Variants in CNTN4 observed in about 807,000 individuals in gnomAD.
The protein encoded by CNTN4 is contactin 4.
A neutral mutation model predicts 122.5 loss-of-function variants in CNTN4; 77 were observed. That is an observed-to-expected ratio of 0.63 (90% confidence interval 0.52 to 0.76). The LOEUF is 0.76. Ranked by LOEUF, CNTN4 falls within the 30% of genes least tolerant of loss-of-function variation. The probability of loss-of-function intolerance (pLI) is 0.00; values close to 1 mark genes in which losing one functional copy is unlikely to be tolerated. For missense variants in CNTN4, 1,256 were observed against 1,259.1 expected (o/e 1.00, Z 0.04); for synonymous variants, 512 against 447.0 (o/e 1.15, Z -1.83).
chr3:2,478,764 C>T (rs567121820), intron 3 of CNTN4, among the ~76,000 whole-genome samples: 1 of 152,292 alleles, frequency 6.6e-6, no homozygotes, highest in South Asian at 2.1e-4. Context: ...GACATGATCT[C>T]ATTCTTTTTT....
intron 2 of CNTN4, among the ~76,000 whole-genome samples, chr3:2,269,344 C>G (rs2041175764): frequency 6.6e-6 from 1 of 152,048 alleles, no homozygotes; most frequent in African/African-American, 2.4e-5. Context: ...CATATGTTCT[C>G]CTGGATGAAT....
chr3:2,168,259 C>A (rs987645415), intron 2 of CNTN4, among the ~76,000 whole-genome samples: 1 of 151,974 alleles, frequency 6.6e-6, no homozygotes, highest in Non-Finnish European at 1.5e-5. Flanking sequence ...TATTAAAAAT[C>A]TTATAGGTTA....
intron 2 of CNTN4, among the ~76,000 whole-genome samples, chr3:2,193,284 C>G (rs1300127886): frequency 1.3e-5 from 2 of 151,936 alleles, no homozygotes; most frequent in African/African-American, 4.8e-5. Context: ...TGATCTGGCC[C>G]TGACTTGTCC....
At chr3:2,353,855 C>T (rs1219409802) in intron 3 of CNTN4, among the ~76,000 whole-genome samples, 2 of 151,854 alleles carry the variant, frequency 1.3e-5, no homozygotes, top group Admixed American at 6.6e-5. Flanking sequence ...GCCAAGATGG[C>T]GCCACCGCAC....
At chr3:2,710,811 AT>A (rs1308004545) in intron 4 of CNTN4, among the ~76,000 whole-genome samples, 1 of 152,188 alleles carries the variant, frequency 6.6e-6, no homozygotes, top group Non-Finnish European at 1.5e-5. Context: ...GAACAGCTCT[AT>A]TTGAACCTTT....
rs150185511 is a variant in CNTN4 at position 2,834,427 on chromosome 3, G to A, written c.454+14846G>A. Among the ~76,000 whole-genome samples the A allele has an allele frequency of 6.3e-3, 955 of 152,080 alleles. 11 individuals carry two copies. The highest frequency in any genetic ancestry group is 0.021 in the African/African-American group (890 of 41,504). On this transcript the variant is annotated intron_variant, in intron 7 of 24. Transcript: ENST00000418658. ...TAAAGATTTAAAAAGTTAGCTGGGC[G>A]TGGTGGTGCATGTTTGTAATCCCAG...
intron 4 of CNTN4, among the ~76,000 whole-genome samples, chr3:2,707,099 G>A (rs2086786728): frequency 2.0e-5 from 3 of 151,650 alleles, no homozygotes; most frequent in African/African-American, 4.8e-5. Flanking sequence ...CAGGAGTTCA[G>A]GAACACTCTG....
At chr3:2,410,962 C>A (rs898551405) in intron 3 of CNTN4, among the ~76,000 whole-genome samples, 3 of 152,156 alleles carry the variant, frequency 2.0e-5, no homozygotes, top group Admixed American at 6.5e-5. Flanking sequence ...TAACTGTAGT[C>A]TCATGTGTTC....
chr3:2,854,268 CTTTTT>C (rs56147510), intron 7 of CNTN4, among the ~76,000 whole-genome samples: 2 of 90,050 alleles, frequency 2.2e-5, no homozygotes, highest in African/African-American at 4.6e-5. Context: ...CTTTCTTCTT[CTTTTT>C]TTTTTTTTTT....
chr3:2,548,959 A>G (rs1048249356), intron 3 of CNTN4, among the ~76,000 whole-genome samples: 12 of 152,112 alleles, frequency 7.9e-5, no homozygotes, highest in African/African-American at 2.4e-5. Flanking sequence ...GAGTTAACTC[A>G]TGATTTGGCT....
At chr3:2,396,426 G>A (rs2046643415) in intron 3 of CNTN4, among the ~76,000 whole-genome samples, 1 of 152,080 alleles carries the variant, frequency 6.6e-6, no homozygotes, top group African/African-American at 2.4e-5. Flanking sequence ...GAAAACAGTT[G>A]GGGGAATCTG....
At chr3:2,707,981 T>C (rs1257295746) in intron 4 of CNTN4, among the ~76,000 whole-genome samples, 2 of 152,208 alleles carry the variant, frequency 1.3e-5, no homozygotes, top group African/African-American at 4.8e-5. Flanking sequence ...ATAAGTCATT[T>C]TGATATATGG....
At chr3:2,332,893 A>T (rs192440212) in intron 2 of CNTN4, among the ~76,000 whole-genome samples, 21 of 130,314 alleles carry the variant, frequency 1.6e-4, no homozygotes, top group South Asian at 4.3e-4. Context: ...AAATAAAATT[A>T]AAAAAAAATA....
At chr3:2,255,437 A>C (rs2040542939) in intron 2 of CNTN4, among the ~76,000 whole-genome samples, 1 of 152,204 alleles carries the variant, frequency 6.6e-6, no homozygotes, top group South Asian at 2.1e-4. Flanking sequence ...ATGTGGATCT[A>C]ATAGACATCC....
chr3:3,042,064 G>C (rs1200382665), intron 20 of CNTN4, among the ~76,000 whole-genome samples: 3 of 152,186 alleles, frequency 2.0e-5, no homozygotes, highest in Non-Finnish European at 4.4e-5. Flanking sequence ...ATGAAAACTT[G>C]GTGCTTAAAC....
At chr3:2,522,911 A>T (rs570851569) in intron 3 of CNTN4, among the ~76,000 whole-genome samples, 5 of 152,182 alleles carry the variant, frequency 3.3e-5, no homozygotes, top group African/African-American at 1.2e-4. Flanking sequence ...AAAGTACTAG[A>T]TTGATAGCTC....
rs184157371 is a variant in CNTN4, at chr3:2,840,454, A to T, written c.454+20873A>T. The stretch of plus-strand genomic sequence containing the variant: ...GGTGGCTCACGCCTGTCATCCCAGC[A>T]CTTTGGGAGGCCGAGGCGGGCGGAT... On this transcript the variant is annotated intron_variant, in intron 7 of 24. Coordinates refer to ENST00000418658, the MANE Select transcript of CNTN4 (RefSeq NM_175607.3). Among the ~76,000 whole-genome samples, 577 of 150,738 alleles carry T rather than the reference A, an allele frequency of 3.8e-3. 5 individuals carry two copies. Among genetic ancestry groups the T allele is most frequent in the African/African-American group, 0.013 (538 of 41,156 alleles).
chr3:2,386,099 T>C (rs978784039), intron 3 of CNTN4, among the ~76,000 whole-genome samples: 1 of 152,078 alleles, frequency 6.6e-6, no homozygotes, highest in Non-Finnish European at 1.5e-5. Flanking sequence ...TTGGTTAGAT[T>C]AGGAATTCCT....
chr3:2,185,753 G>C (rs1458339369), intron 2 of CNTN4, among the ~76,000 whole-genome samples: 1 of 152,070 alleles, frequency 6.6e-6, no homozygotes, highest in African/African-American at 2.4e-5. Context: ...GGTTATTACA[G>C]CCCTTAGACT....
Sources: allele counts gnomAD v4.1 joint callset (sites outside exome capture counted in the v4.1 genomes callset), GRCh38; gene constraint gnomAD v4.1.1; transcripts MANE v1.5; gene names NCBI Gene and HGNC (gene_info 2026-07-23, HGNC 2026-07-21).